FYB1: variants seen among roughly 807,000 people sequenced by gnomAD.
FYB1 encodes the protein FYN-binding protein 1.
In FYB1, 41 loss-of-function variants were observed where a neutral mutation model predicts 94.1. The ratio of observed to expected loss-of-function variants is 0.44; its 90% CI spans 0.34 to 0.57. FYB1 has a LOEUF of 0.57. FYB1 is among the 20% of genes least tolerant of loss of function. The pLI is 0.02. For missense variants in FYB1, 1,050 were observed against 976.8 expected (o/e 1.07, Z -1.00); for synonymous variants, 367 against 353.2 (o/e 1.04, Z -0.44).
intron 1 of FYB1, among the ~76,000 whole-genome samples, chr5:39,245,798 C>T (rs767384996): frequency 1.2e-4 from 19 of 152,134 alleles, no homozygotes; most frequent in Non-Finnish European, 2.6e-4. Flanking sequence ...GCGGGTTTCG[C>T]CATGTCGGCC....
intron 1 of FYB1, among the ~76,000 whole-genome samples, chr5:39,246,928 G>A (rs949794073): frequency 1.3e-5 from 2 of 151,810 alleles, no homozygotes; most frequent in African/African-American, 2.4e-5. Flanking sequence ...CCCTTACTGT[G>A]AGACCTCAAG....
intron 16 of FYB1, among the ~76,000 whole-genome samples, chr5:39,111,132 C>T (rs1267272510): frequency 6.6e-6 from 1 of 151,868 alleles, no homozygotes; most frequent in African/African-American, 2.4e-5. Flanking sequence ...ATATTTGCCT[C>T]TCATTGTGCA....
chr5:39,129,961 A>C (rs867865744), intron 10 of FYB1, among the ~76,000 whole-genome samples: 1 of 152,066 alleles, frequency 6.6e-6, no homozygotes, highest in African/African-American at 2.4e-5. Flanking sequence ...TGCATCCCCA[A>C]GTGTATTGCA....
intron 1 of FYB1, among the ~76,000 whole-genome samples, chr5:39,235,395 A>G (rs1171119902): frequency 6.6e-6 from 1 of 152,074 alleles, no homozygotes; most frequent in Non-Finnish European, 1.5e-5. Flanking sequence ...TCAAAAATAA[A>G]TAACTCTTGG....
At position 39,138,433 on chromosome 5, in the gene FYB1, G is replaced by A. The variant is rs1266910290; in HGVS notation, c.1394+224C>T. ...TGACTGTGGTTTATCTCAGAGGCATGTCTCTGGCCTCTCACACAATAGCTT... is the reference window on the plus strand; with the variant it reads ...TGACTGTGGTTTATCTCAGAGGCATATCTCTGGCCTCTCACACAATAGCTT... On this transcript the variant is annotated intron_variant, in intron 6 of 18. Transcript: ENST00000512982. 3 of 392,464 alleles carry A rather than the reference G, an allele frequency of 7.6e-6. No individual in the cohort carries two copies. In the East Asian group the frequency reaches 1.3e-4, roughly 17 times the overall value. 24.3% of individuals were successfully genotyped at this position (392,464 alleles called of 1,614,324 possible).
rs2150520284 is a variant in FYB1, at chr5:39,209,556, C to T, written c.-27-6569G>A. ...GGCCAGGCTGGTCTTGAACTCCTGACCACAGGTGATCCACCACCTGCCTCA... is the reference window on the plus strand; with the variant it reads ...GGCCAGGCTGGTCTTGAACTCCTGATCACAGGTGATCCACCACCTGCCTCA... On this transcript the variant is annotated intron_variant, in intron 1 of 18. Coordinates refer to ENST00000512982, the MANE Select transcript of FYB1 (RefSeq NM_001465.6). Among the ~76,000 whole-genome samples the T allele has an allele frequency of 3.9e-5, 6 of 152,232 alleles. 2 individuals carry two copies. The highest frequency in any genetic ancestry group is 3.9e-4 in the Admixed American group (6 of 15,294).
intron 1 of FYB1, among the ~76,000 whole-genome samples, chr5:39,266,306 G>A (rs2111710102): frequency 6.6e-6 from 1 of 152,246 alleles, no homozygotes; most frequent in East Asian, 1.9e-4. Context: ...TCTTGACTGA[G>A]CCTCTTGAAA....
intron 1 of FYB1, among the ~76,000 whole-genome samples, chr5:39,235,446 G>T (rs1339154358): frequency 6.6e-6 from 1 of 151,830 alleles, no homozygotes; most frequent in Non-Finnish European, 1.5e-5. Flanking sequence ...TCCAAACAGG[G>T]GCAGAGGGAG....
At chr5:39,211,152 T>C in intron 1 of FYB1, 1 of 152,194 alleles carries the variant, frequency 6.6e-6, no homozygotes, top group East Asian at 1.9e-4. Flanking sequence ...AACGAACTTG[T>C]AGATAATTGA....
chr5:39,140,531 G>A (rs537686274), intron 4 of FYB1, among the ~76,000 whole-genome samples: 2 of 152,110 alleles, frequency 1.3e-5, no homozygotes, highest in South Asian at 2.1e-4. Flanking sequence ...TGTCATACTC[G>A]GTCAACCTAA....
chr5:39,137,630 C>T lies in FYB1; in HGVS notation c.1485G>A (p.Lys495=), dbSNP rs1741780601. The change falls in exon 7 of 19, where the codon AAG becomes AAA. Residue 495 remains lysine (K), a synonymous_variant. Transcript: ENST00000512982. The part of the protein sequence containing the change: ...LEKKEQKEKE[K]KEQEIKKKFK... ...ATTTCTTCTTTATTTCTTGTTCTTT[C>T]TTTTCTTTCTCTTTCTGTTCCTTTT... 6.5e-7 allele frequency: 1 copy of T among 1,537,900 alleles called. No individual in the cohort carries two copies. Among genetic ancestry groups the T allele is most frequent in the Non-Finnish European group, 8.8e-7 (1 of 1,136,002 alleles).
intron 13 of FYB1, among the ~76,000 whole-genome samples, chr5:39,123,689 A>G (rs751111311): frequency 1.1e-4 from 16 of 152,164 alleles, no homozygotes; most frequent in Non-Finnish European, 2.4e-4. Flanking sequence ...AAACTTTTTG[A>G]AAGCCCCTGA....
chr5:39,113,818 A>G (rs10070551), intron 16 of FYB1, among the ~76,000 whole-genome samples: 5,195 of 152,166 alleles, frequency 0.034, 307 homozygotes, highest in African/African-American at 0.12. Flanking sequence ...AAGTGGAACA[A>G]TGTCCAATTT....
chr5:39,273,318 GA>G (rs202196745), intron 1 of FYB1, among the ~76,000 whole-genome samples: 2 of 150,494 alleles, frequency 1.3e-5, no homozygotes, highest in East Asian at 3.9e-4. Flanking sequence ...TTCTGCCTTG[GA>G]AAAAAAAAGA....
intron 1 of FYB1, among the ~76,000 whole-genome samples, chr5:39,203,320 T>C (rs1324511142): frequency 2.0e-5 from 3 of 152,222 alleles, no homozygotes; most frequent in Non-Finnish European, 4.4e-5. Flanking sequence ...TTTTTAAAGT[T>C]TCACTTGAAA....
chr5:39,148,161 ATATATAT>A (rs1742890334), intron 3 of FYB1, among the ~76,000 whole-genome samples: 1 of 6,620 alleles, frequency 1.5e-4, no homozygotes, highest in Non-Finnish European at 3.4e-4. Context: ...TTTTTTATAT[ATATATAT>A]ATATATATAT....
intron 3 of FYB1, among the ~76,000 whole-genome samples, chr5:39,148,777 A>G (rs1742998764): frequency 6.6e-6 from 1 of 152,180 alleles, no homozygotes; most frequent in Non-Finnish European, 1.5e-5. Context: ...ACTTCAGGGT[A>G]AGAACTGTTG....
intron 2 of FYB1, among the ~76,000 whole-genome samples, chr5:39,201,156 G>T (rs1748281295): frequency 6.6e-6 from 1 of 152,198 alleles, no homozygotes; most frequent in Non-Finnish European, 1.5e-5. Context: ...CATGAGTACT[G>T]CTCCTTTCTC....
At chr5:39,239,503 C>T (rs947358961) in intron 1 of FYB1, among the ~76,000 whole-genome samples, 7 of 152,044 alleles carry the variant, frequency 4.6e-5, no homozygotes, top group Admixed American at 2.6e-4. Context: ...AATAGCAATT[C>T]TATACACCAA....
Sources: allele counts gnomAD v4.1 joint callset (sites outside exome capture counted in the v4.1 genomes callset), GRCh38; gene constraint gnomAD v4.1.1; transcripts MANE v1.5; gene names NCBI Gene and HGNC (gene_info 2026-07-23, HGNC 2026-07-21).